Variants in ARL13B observed in about 807,000 individuals in gnomAD.
ARL13B encodes ADP-ribosylation factor-like protein 13B.
Under a neutral mutation model 56.1 loss-of-function variants are expected in ARL13B, and 36 were observed. The ratio of observed to expected loss-of-function variants is 0.64; its 90% CI spans 0.49 to 0.85. ARL13B has a LOEUF of 0.85. Ranked by LOEUF, ARL13B falls within the 40% of genes least tolerant of loss-of-function variation. The pLI is 0.00. For synonymous variants in ARL13B, 178 were observed against 171.1 expected (o/e 1.04, Z -0.32); for missense variants, 519 against 507.1 (o/e 1.02, Z -0.23).
intron 5 of ARL13B, among the ~76,000 whole-genome samples, chr3:94,039,514 A>T (rs1417517780): frequency 6.6e-6 from 1 of 151,776 alleles, no homozygotes; most frequent in Admixed American, 6.6e-5. Context: ...AAAAAAAAAA[A>T]AAAAAAGAAT....
Position 94,008,832 on chromosome 3 carries a change from A to G in ARL13B, c.380+4924A>G, listed in dbSNP as rs540239409. Among the ~76,000 whole-genome samples, 48 of 152,262 alleles carry G rather than the reference A, an allele frequency of 3.2e-4. 1 individual carries two copies. Among genetic ancestry groups the G allele is most frequent in the African/African-American group, 1.2e-3 (48 of 41,560 alleles). On this transcript the variant is annotated intron_variant, in intron 3 of 9. Transcript: ENST00000394222. ...CATTCTCAAACTACTGGAAGGTGCC[A>G]CTTTTCTCATTACACACTGCCTGCT...
intron 2 of ARL13B, among the ~76,000 whole-genome samples, chr3:94,001,456 G>A (rs745468040): frequency 2.0e-5 from 3 of 152,084 alleles, no homozygotes; most frequent in Non-Finnish European, 2.9e-5. Flanking sequence ...TAGCTTTTAT[G>A]TGTTCACTCA....
Position 94,053,211 on chromosome 3 carries a change from C to T in ARL13B, c.1235C>T (p.Pro412Leu). 1.2e-6 allele frequency: 2 copies of T among 1,612,976 alleles called. No individual in the cohort carries two copies. The highest frequency in any genetic ancestry group is 1.1e-5 in the South Asian group (1 of 91,078). ...GATTTCTATAGGAAGCCACTGCCTC[C>T]CCTGGCTGTGCCACAGCGACCTAAC... Reference protein sequence around the residue: ...HNDFYRKPLPPLAVPQRPNSD... With the variant: ...HNDFYRKPLPLLAVPQRPNSD... The change falls in exon 10 of 10, where the codon CCC (proline) becomes CTC (leucine). Residue 412 changes from proline to leucine, a missense_variant. Pro to Leu is a moderately conservative substitution (Grantham distance 98, BLOSUM62 -3). Transcript: ENST00000394222.
At chr3:94,013,760 A>G (rs904151909) in intron 3 of ARL13B, among the ~76,000 whole-genome samples, 2 of 152,208 alleles carry the variant, frequency 1.3e-5, no homozygotes, top group African/African-American at 4.8e-5. Flanking sequence ...AGCCTCGCCA[A>G]CATAGCAAAA....
Position 94,034,615 on chromosome 3 carries a change from AGAT to A in ARL13B, c.381-713_381-711del, listed in dbSNP as rs538642696. On this transcript the variant is annotated intron_variant, in intron 3 of 9. Coordinates refer to ENST00000394222, the MANE Select transcript of ARL13B (RefSeq NM_001174150.2). Reference sequence around the variant, plus strand: ...GGACACATTCACACATTAGAATTGTAGATGAGCTCAAATATTAAAAGTTCAGAA... The same window carrying A: ...GGACACATTCACACATTAGAATTGTAGAGCTCAAATATTAAAAGTTCAGAA... Among the ~76,000 whole-genome samples, 8 of 152,166 alleles carry A rather than the reference AGAT, an allele frequency of 5.3e-5. No homozygotes were observed. The South Asian group carries it at 1.7e-3, about 32-fold the overall frequency.
chr3:94,006,410 C>G (rs1378781029), intron 3 of ARL13B, among the ~76,000 whole-genome samples: 2 of 152,134 alleles, frequency 1.3e-5, no homozygotes, highest in Admixed American at 6.5e-5. Flanking sequence ...ACCTTTTTCT[C>G]TCTGACTTGC....
chr3:93,989,470 G>A lies in ARL13B; in HGVS notation c.60-6404G>A, dbSNP rs1305494683. Reference sequence around the variant, plus strand: ...ATGGAAGGAATCCTCGGCATGGCAGGCTTCCTGGGAGTGGCAGAAGTGGGG... The same window carrying A: ...ATGGAAGGAATCCTCGGCATGGCAGACTTCCTGGGAGTGGCAGAAGTGGGG... On this transcript the variant is annotated intron_variant, in intron 1 of 9. Coordinates refer to ENST00000394222, the MANE Select transcript of ARL13B (RefSeq NM_001174150.2). Among the ~76,000 whole-genome samples the A allele has an allele frequency of 5.3e-5, 8 of 152,224 alleles. 1 individual carries two copies. Among genetic ancestry groups the A allele is most frequent in the Middle Eastern group, 6.8e-3 (2 of 294 alleles).
At position 94,043,147 on chromosome 3, in the gene ARL13B, A is replaced by G. The variant is rs754223332; in HGVS notation, c.931A>G (p.Asn311Asp). 1 of 1,613,810 alleles carries G rather than the reference A, an allele frequency of 6.2e-7. No homozygotes were observed. Among genetic ancestry groups the G allele is most frequent in the Non-Finnish European group, 8.5e-7 (1 of 1,179,930 alleles). Residue 311 changes from asparagine (N) to aspartate (D), a missense_variant, in exon 7 of 10, where the codon AAT (asparagine) becomes GAT (aspartate). By Grantham distance (23) the Asn-to-Asp change is conservative. Coordinates refer to ENST00000394222, the MANE Select transcript of ARL13B (RefSeq NM_001174150.2). Reference sequence around the variant, plus strand: ...CCAGGTTAATCACAATGGCCAAAAAAATAATGAATTTGGACTAGTAGAAAA... The same window carrying G: ...CCAGGTTAATCACAATGGCCAAAAAGATAATGAATTTGGACTAGTAGAAAA... ...QGQVNHNGQK[N>D]NEFGLVENYK...
intron 2 of ARL13B, among the ~76,000 whole-genome samples, chr3:94,003,190 TA>T (rs1446655021): frequency 6.6e-6 from 1 of 152,196 alleles, no homozygotes; most frequent in East Asian, 1.9e-4. Context: ...TTCAGCTAAT[TA>T]AAAAAGAGTG....
chr3:93,983,518 AAG>A (rs994094331), intron 1 of ARL13B, among the ~76,000 whole-genome samples: 11 of 152,224 alleles, frequency 7.2e-5, no homozygotes, highest in Non-Finnish European at 4.4e-5. Context: ...AGGATTAAAA[AAG>A]AGAAAACACA....
At chr3:93,983,351 C>T (rs1199438883) in intron 1 of ARL13B, among the ~76,000 whole-genome samples, 8 of 152,130 alleles carry the variant, frequency 5.3e-5, no homozygotes, top group Non-Finnish European at 1.2e-4. Flanking sequence ...AGTACTGAAC[C>T]CCACTTATTT....
chr3:94,011,079 T>C (rs1008429379), intron 3 of ARL13B, among the ~76,000 whole-genome samples: 3 of 152,118 alleles, frequency 2.0e-5, no homozygotes, highest in African/African-American at 7.2e-5. Context: ...GCTTGATAAT[T>C]GACACCATAG....
chr3:94,052,760 A>T (rs1283207516), intron 9 of ARL13B, among the ~76,000 whole-genome samples: 1 of 152,152 alleles, frequency 6.6e-6, no homozygotes, highest in Non-Finnish European at 1.5e-5. Context: ...TGCTTAGAAA[A>T]ACATTTTTTG....
Position 94,003,916 on chromosome 3 carries a change from A to T in ARL13B, c.380+8A>T, listed in dbSNP as rs1367254699. 3 of 1,613,140 alleles carry T rather than the reference A, an allele frequency of 1.9e-6. No individual in the cohort carries two copies. The highest frequency in any genetic ancestry group is 2.5e-6 in the Non-Finnish European group (3 of 1,179,520). ...GGGAAAGCCTATATTGGTGTAAGTA[A>T]TGTTAGCATCATTGTAAATGTAGGG... On this transcript the variant is annotated splice_region_variant and intron_variant, in intron 3 of 9. Coordinates refer to ENST00000394222, the MANE Select transcript of ARL13B (RefSeq NM_001174150.2).
intron 1 of ARL13B, chr3:93,988,818 C>G (rs1282514379): frequency 2.5e-6 from 1 of 400,880 alleles, no homozygotes. Context: ...GAAGATTTAG[C>G]CTTTCCTGAT....
At chr3:94,012,050 T>C (rs1575971594) in intron 3 of ARL13B, among the ~76,000 whole-genome samples, 1 of 152,198 alleles carries the variant, frequency 6.6e-6, no homozygotes, top group East Asian at 1.9e-4. Flanking sequence ...TCCTTTTGCA[T>C]TGGCTTTCCT....
intron 8 of ARL13B, 103 bp downstream of exon 8, chr3:94,049,625 A>G: frequency 7.2e-6 from 6 of 835,460 alleles, no homozygotes; most frequent in Non-Finnish European, 1.1e-5. Flanking sequence ...CTGTATATTC[A>G]TTATCTTGTA....
At chr3:94,051,877 G>A (rs1702938221) in intron 9 of ARL13B, among the ~76,000 whole-genome samples, 1 of 151,546 alleles carries the variant, frequency 6.6e-6, no homozygotes, top group Admixed American at 6.6e-5. Flanking sequence ...ATTTAGGTCA[G>A]TATTGAAATA....
At position 94,053,761 on chromosome 3, in the gene ARL13B, C is replaced by T. The variant is rs1171535200; in HGVS notation, c.*498C>T. The T allele has an allele frequency of 1.7e-5, 5 of 301,684 alleles. No homozygotes were observed. The highest frequency in any genetic ancestry group is 3.2e-5 in the Non-Finnish European group (5 of 156,330). 18.7% of individuals were successfully genotyped at this position (301,684 alleles called of 1,614,324 possible). On this transcript the variant is annotated 3_prime_UTR_variant, in exon 10 of 10. Coordinates refer to ENST00000394222, the MANE Select transcript of ARL13B (RefSeq NM_001174150.2). ...TTTAATTACTGTGATATTGATTATA[C>T]ACCTTTTTTATAGATGATTTGTTTA...
Sources: gnomAD v4.1 joint callset for allele counts (sites outside exome capture counted in the v4.1 genomes callset) on GRCh38, gnomAD v4.1.1 for gene constraint, MANE v1.5 for transcripts, NCBI Gene and HGNC (gene_info 2026-07-23, HGNC 2026-07-21) for gene names.